RAB11A: variants seen among roughly 807,000 people sequenced by gnomAD.
RAB11A encodes the protein RAB11A, member RAS oncogene family.
In RAB11A, 9 loss-of-function variants were observed where a neutral mutation model predicts 28.0. The observed-to-expected ratio is 0.32, with a 90% CI of 0.19 to 0.56. RAB11A has a LOEUF of 0.56. Among genes scored for constraint, RAB11A ranks in the 20% least tolerant of loss-of-function variants. The probability of loss-of-function intolerance (pLI) is 0.91; values close to 1 mark genes in which losing one functional copy is unlikely to be tolerated. For synonymous variants in RAB11A, 85 were observed against 88.2 expected (o/e 0.96, Z 0.20); for missense variants, 108 against 269.6 (o/e 0.40, Z 4.20).
In RAB11A at chr15:65,877,626, A is replaced by G. The variant is rs1008470384; in HGVS notation, c.236+99A>G. On this transcript the variant is annotated intron_variant, in intron 2 of 4. Coordinates refer to ENST00000261890, the MANE Select transcript of RAB11A (RefSeq NM_004663.5). This position sits in a 1 kb window ranked among gnomAD's most constrained non-coding sequence, Gnocchi z 4.1. ...AAAGAACTGTTGTTTTTTTCTTTTA[A>G]GAATTCTAGTATTAGGAATCCTTAG... 2 of 1,379,396 alleles carry G rather than the reference A, an allele frequency of 1.4e-6. No individual in the cohort carries two copies. The highest frequency in any genetic ancestry group is 3.0e-5 in the African/African-American group (2 of 67,726). The allele number at this position is 1,379,396 out of a possible 1,614,324, so 85.4% of individuals were successfully genotyped here. A position where few individuals can be genotyped will look rare whatever the true frequency, so the allele number is the denominator to read the frequency against.
chr15:65,870,319 C>T (rs2078151519), intron 1 of RAB11A, among the ~76,000 whole-genome samples: 4 of 152,244 alleles, frequency 2.6e-5, no homozygotes, highest in Admixed American at 2.6e-4. Context: ...TCTACCTTCC[C>T]TCCCCAAATC....
Position 65,889,443 on chromosome 15 carries a change from A to G in RAB11A, c.*1603A>G, listed in dbSNP as rs2078273881. On this transcript the variant is annotated 3_prime_UTR_variant, in exon 5 of 5. Transcript: ENST00000261890. ...TATATTCACATTCTAATAAACAGTT[A>G]TAGGGGGATTATTTCTTATGCTGTC... 6.6e-6 allele frequency: 1 copy of G among 152,084 alleles called. No individual in the cohort carries two copies. Among genetic ancestry groups the G allele is most frequent in the African/African-American group, 2.4e-5 (1 of 41,408 alleles). 9.4% of individuals were successfully genotyped at this position (152,084 alleles called of 1,614,324 possible). A position where few individuals can be genotyped will look rare whatever the true frequency, so the allele number is the denominator to read the frequency against.
In RAB11A at chr15:65,877,573, G is replaced by A; in HGVS notation, c.236+46G>A. 1 of 1,550,690 alleles carries A rather than the reference G, an allele frequency of 6.4e-7. No homozygotes were observed. The highest frequency in any genetic ancestry group is 8.8e-7 in the Non-Finnish European group (1 of 1,140,158). On this transcript the variant is annotated intron_variant, in intron 2 of 4. Coordinates refer to ENST00000261890, the MANE Select transcript of RAB11A (RefSeq NM_004663.5). This position sits in a 1 kb window ranked among gnomAD's most constrained non-coding sequence, Gnocchi z 4.1. Reference sequence around the variant, plus strand: ...GTTCTGTGAAATGGGTTGCCATCGAGTGAATTAGCTGACTTTTGGTATTGG... The same window carrying A: ...GTTCTGTGAAATGGGTTGCCATCGAATGAATTAGCTGACTTTTGGTATTGG...
rs951425289 is a variant in RAB11A, at chr15:65,891,215, C to G, written c.*3375C>G. ...TGTTTTAAAGAATGATTGGGTTCCC[C>G]CAAACTGTAGGAGGTCGATGGTAAC... On this transcript the variant is annotated 3_prime_UTR_variant, in exon 5 of 5. Transcript: ENST00000261890. 2.6e-5 allele frequency: 4 copies of G among 152,230 alleles called. No homozygotes were observed. The East Asian group carries it at 7.7e-4, about 29-fold the overall frequency. 9.4% of individuals were successfully genotyped at this position (152,230 alleles called of 1,614,324 possible).
chr15:65,885,085 A>G (rs1290366283), intron 4 of RAB11A, among the ~76,000 whole-genome samples: 2 of 149,396 alleles, frequency 1.3e-5, no homozygotes, highest in African/African-American at 2.5e-5. Context: ...ATTCTCCTAC[A>G]TAATCACAAT....
chr15:65,879,631 T>G, intron 3 of RAB11A, 40 bp from the exon 4 acceptor site: 1 of 1,484,552 alleles, frequency 6.7e-7, no homozygotes. Context: ...ATTCCTTGTT[T>G]TAAAACTTAA....
Position 65,890,632 on chromosome 15 carries a change from C to T in RAB11A, c.*2792C>T, listed in dbSNP as rs1011682589. The stretch of plus-strand genomic sequence containing the variant: ...TCAGAGCTGGTCACATTTCTTTGAT[C>T]ATTGAAAAAATGAATATCTTAATTT... On this transcript the variant is annotated 3_prime_UTR_variant, in exon 5 of 5. Coordinates refer to ENST00000261890, the MANE Select transcript of RAB11A (RefSeq NM_004663.5). 9 of 152,080 alleles carry T rather than the reference C, an allele frequency of 5.9e-5. No individual in the cohort carries two copies. Among genetic ancestry groups the T allele is most frequent in the African/African-American group, 2.2e-4 (9 of 41,410 alleles). The allele number at this position is 152,080 out of a possible 1,614,324, so 9.4% of individuals were successfully genotyped here.
intron 4 of RAB11A, among the ~76,000 whole-genome samples, chr15:65,886,706 T>G (rs1167106112): frequency 7.2e-5 from 11 of 152,202 alleles, no homozygotes; most frequent in Non-Finnish European, 4.4e-5. Flanking sequence ...TTAGTGACAT[T>G]CATGCGGTTA....
chr15:65,881,359 C>A (rs972252102), intron 4 of RAB11A, among the ~76,000 whole-genome samples: 7 of 152,168 alleles, frequency 4.6e-5, no homozygotes, highest in Non-Finnish European at 8.8e-5. Flanking sequence ...ATTTTTATCA[C>A]TTTGCTTCTA....
intron 1 of RAB11A, among the ~76,000 whole-genome samples, chr15:65,875,378 C>T (rs924877211): frequency 3.3e-5 from 5 of 152,106 alleles, no homozygotes; most frequent in East Asian, 1.9e-4. Context: ...TGAATGTATC[C>T]TATTAATAAT....
At chr15:65,881,428 C>A (rs984855338) in intron 4 of RAB11A, among the ~76,000 whole-genome samples, 31 of 152,144 alleles carry the variant, frequency 2.0e-4, no homozygotes, top group Admixed American at 1.9e-3. Flanking sequence ...AGTCTTAAAA[C>A]ATGTGAATTA....
At chr15:65,883,724 T>C (rs899674256) in intron 4 of RAB11A, among the ~76,000 whole-genome samples, 5 of 152,284 alleles carry the variant, frequency 3.3e-5, no homozygotes, top group African/African-American at 1.2e-4. Context: ...TCTCTAATTT[T>C]GTATTTTAAG....
At chr15:65,882,385 T>C (rs2078228605) in intron 4 of RAB11A, among the ~76,000 whole-genome samples, 1 of 152,234 alleles carries the variant, frequency 6.6e-6, no homozygotes, top group African/African-American at 2.4e-5. Flanking sequence ...TGCACTTGAT[T>C]CTACCTTAAA....
rs2078298832 is a variant in RAB11A at position 65,891,811 on chromosome 15, A to G, written c.*3971A>G. 6.6e-6 allele frequency: 1 copy of G among 152,180 alleles called. No homozygotes were observed. Among genetic ancestry groups the G allele is most frequent in the Non-Finnish European group, 1.5e-5 (1 of 68,028 alleles). 9.4% of individuals were successfully genotyped at this position (152,180 alleles called of 1,614,324 possible). A position where few individuals can be genotyped will look rare whatever the true frequency, so the allele number is the denominator to read the frequency against. ...ACATTTATTTGCAAAATGACTGTCAATATCAACAATATGCATCAAAGTACC... is the reference window on the plus strand; with the variant it reads ...ACATTTATTTGCAAAATGACTGTCAGTATCAACAATATGCATCAAAGTACC... On this transcript the variant is annotated 3_prime_UTR_variant, in exon 5 of 5. Transcript: ENST00000261890.
intron 4 of RAB11A, among the ~76,000 whole-genome samples, chr15:65,885,738 A>G (rs774353287): frequency 3.3e-5 from 5 of 152,226 alleles, no homozygotes; most frequent in South Asian, 2.1e-4. Flanking sequence ...TTTGCTGGAA[A>G]ATCAACTCAC....
Position 65,888,041 on chromosome 15 carries a change from C to T in RAB11A, c.*201C>T. On this transcript the variant is annotated 3_prime_UTR_variant, in exon 5 of 5. Coordinates refer to ENST00000261890, the MANE Select transcript of RAB11A (RefSeq NM_004663.5). ...ACTGCAGCTTTTTTTCATGCTATGG[C>T]TTCACTAGCCTTAGTTTAATAAACT... The T allele has an allele frequency of 2.2e-6, 1 of 460,726 alleles. No homozygotes were observed. Among genetic ancestry groups the T allele is most frequent in the Middle Eastern group, 5.7e-4 (1 of 1,762 alleles). The allele number at this position is 460,726 out of a possible 1,614,324, so 28.5% of individuals were successfully genotyped here. A position where few individuals can be genotyped will look rare whatever the true frequency, so the allele number is the denominator to read the frequency against.
Position 65,869,720 on chromosome 15 carries a change from T to C in RAB11A, c.40+95T>C, listed in dbSNP as rs750558030. On this transcript the variant is annotated intron_variant, in intron 1 of 4. Transcript: ENST00000261890. Reference sequence around the variant, plus strand: ...CGTGCCGGCCACCCCTGCACTGATATAGGCCTCCCTCAGCCCTTCCTTTTT... The same window carrying C: ...CGTGCCGGCCACCCCTGCACTGATACAGGCCTCCCTCAGCCCTTCCTTTTT... 1.1e-3 allele frequency: 1,393 copies of C among 1,301,518 alleles called. 1 individual carries two copies. Among genetic ancestry groups the C allele is most frequent in the Non-Finnish European group, 1.4e-3 (1,272 of 938,470 alleles). 80.6% of individuals were successfully genotyped at this position (1,301,518 alleles called of 1,614,324 possible). A position where few individuals can be genotyped will look rare whatever the true frequency, so the allele number is the denominator to read the frequency against.
At chr15:65,880,184 A>C (rs2078214091) in intron 4 of RAB11A, among the ~76,000 whole-genome samples, 1 of 152,240 alleles carries the variant, frequency 6.6e-6, no homozygotes, top group South Asian at 2.1e-4. Context: ...CCCATGATAC[A>C]GAAGAAGGGT....
chr15:65,869,794 CAG>C (rs2078146861), intron 1 of RAB11A, among the ~76,000 whole-genome samples, 169 bp downstream of exon 1: 1 of 152,208 alleles, frequency 6.6e-6, no homozygotes, highest in African/African-American at 2.4e-5. Context: ...CCCGCTCAGA[CAG>C]GGGTCCCCAT....
Sources: gnomAD v4.1 joint callset for allele counts (sites outside exome capture counted in the v4.1 genomes callset) on GRCh38, gnomAD v4.1.1 for gene constraint, Gnocchi (gnomAD v3.1) non-coding constraint, MANE v1.5 for transcripts, NCBI Gene and HGNC (gene_info 2026-07-23, HGNC 2026-07-21) for gene names.